Variants in INPP5E observed in about 807,000 individuals in gnomAD.
INPP5E encodes inositol polyphosphate-5-phosphatase E.
A neutral mutation model predicts 50.5 loss-of-function variants in INPP5E; 34 were observed. The observed-to-expected ratio is 0.67, with a 90% CI of 0.51 to 0.90. The LOEUF (loss-of-function observed/expected upper bound fraction) is 0.90, where lower values mean the gene tolerates loss of function less well. Among genes scored for constraint, INPP5E ranks in the 40% least tolerant of loss-of-function variants. The probability of loss-of-function intolerance (pLI) is 0.00; values close to 1 mark genes in which losing one functional copy is unlikely to be tolerated. For missense variants in INPP5E, 942 were observed against 905.5 expected, an observed-to-expected ratio of 1.04 and a Z score of -0.52; for synonymous variants, 447 against 406.0, an observed-to-expected ratio of 1.10 and a Z score of -1.21.
rs1234082483 is a variant in INPP5E, at chr9:136,439,259, G to C, written c.161C>G (p.Thr54Ser). The change falls in exon 1 of 10, where the codon ACT (threonine) becomes AGT (serine). Residue 54 changes from threonine to serine, a missense_variant. Physicochemically the swap from Thr to Ser is moderately conservative, Grantham distance 58 (BLOSUM62 1). Transcript: ENST00000371712. ...GTCCTCGCCGCTGGGCGTGGCCGGA[G>C]TGCTGCAGGCAAGCGCGGGGCTCTC... Reference protein sequence around the residue: ...GSESPALACSTPATPSGEDPP... With the variant: ...GSESPALACSSPATPSGEDPP... The C allele has an allele frequency of 6.7e-7, 1 of 1,501,844 alleles. No individual in the cohort carries two copies. Among genetic ancestry groups the C allele is most frequent in the Non-Finnish European group, 8.8e-7 (1 of 1,132,316 alleles). The allele number at this position is 1,501,844 out of a possible 1,614,324, so 93.0% of individuals were successfully genotyped here.
rs1835645162 is a variant in INPP5E, at chr9:136,429,325, T to C, written c.*350A>G. 1 of 409,652 alleles carries C rather than the reference T, an allele frequency of 2.4e-6. No individual in the cohort carries two copies. Among genetic ancestry groups the C allele is most frequent in the Non-Finnish European group, 4.6e-6 (1 of 216,158 alleles). The allele number at this position is 409,652 out of a possible 1,614,324, so 25.4% of individuals were successfully genotyped here. A position where few individuals can be genotyped will look rare whatever the true frequency, so the allele number is the denominator to read the frequency against. On this transcript the variant is annotated 3_prime_UTR_variant, in exon 10 of 10. Coordinates refer to ENST00000371712, the MANE Select transcript of INPP5E (RefSeq NM_019892.6). Reference sequence around the variant, plus strand: ...GCAGAGCACGGGGGTGTTGGGGGGCTCTGTGACTGCCCCCAGGGCACAGGA... The same window carrying C: ...GCAGAGCACGGGGGTGTTGGGGGGCCCTGTGACTGCCCCCAGGGCACAGGA...
At chr9:136,433,461 C>T (rs1835760915) in intron 3 of INPP5E, among the ~76,000 whole-genome samples, 182 bp from the exon 4 acceptor site, 1 of 152,198 alleles carries the variant, frequency 6.6e-6, no homozygotes, top group Non-Finnish European at 1.5e-5. Context: ...CTGCCGGGGG[C>T]CACAGGCCCC....
At chr9:136,435,034 C>A (rs1240668552) in intron 1 of INPP5E, among the ~76,000 whole-genome samples, 171 bp from the exon 2 acceptor site, 1 of 152,252 alleles carries the variant, frequency 6.6e-6, no homozygotes, top group African/African-American at 2.4e-5. Context: ...TCCAGGAACA[C>A]AAGGCCTGAC....
chr9:136,438,927 C>T lies in INPP5E; in HGVS notation c.493G>A (p.Ala165Thr), dbSNP rs1012957991. The T allele has an allele frequency of 7.6e-6, 12 of 1,571,212 alleles. No homozygotes were observed. Among genetic ancestry groups the T allele is most frequent in the Non-Finnish European group, 9.5e-6 (11 of 1,158,668 alleles). The change falls in exon 1 of 10, where the codon GCC (alanine) becomes ACC (threonine). Residue 165 changes from alanine to threonine, a missense_variant. Physicochemically the swap from Ala to Thr is moderately conservative, Grantham distance 58. Coordinates refer to ENST00000371712, the MANE Select transcript of INPP5E (RefSeq NM_019892.6). ...TGCGGGAGGTTCGGGGAGCTGCTGG[C>T]CACCCCAGAGAGAGGGTTACCCCCC... Reference protein sequence around the residue: ...SSGGNPLSGVASSSPNLPHRD... With the variant: ...SSGGNPLSGVTSSSPNLPHRD...
Position 136,438,804 on chromosome 9 carries a change from G to A in INPP5E, c.616C>T (p.Leu206=), listed in dbSNP as rs781276208. Residue 206 remains leucine, a synonymous_variant, in exon 1 of 10, where the codon CTG becomes TTG. Coordinates refer to ENST00000371712, the MANE Select transcript of INPP5E (RefSeq NM_019892.6). ...GAGTCGACCTTGTTTGCTGTCCTCA[G>A]GGAGTCGGAGGCGATGTCCAGGCTC... ...ALSLDIASDS[L]RTANKVDSDL... 2 of 1,612,086 alleles carry A rather than the reference G, an allele frequency of 1.2e-6. No homozygotes were observed. The highest frequency in any genetic ancestry group is 1.7e-6 in the Non-Finnish European group (2 of 1,179,658).
In INPP5E at chr9:136,434,741, T is replaced by C; in HGVS notation, c.935A>G (p.Lys312Arg). Residue 312 changes from lysine to arginine, a missense_variant and splice_region_variant, in exon 2 of 10, where the codon AAG becomes AGG. Physicochemically the swap from Lys to Arg is conservative, Grantham distance 26. Transcript: ENST00000371712. Reference sequence around the variant, plus strand: ...CCAGCACCACCCACAGCCACTCACCTTCTGGCCCTGCATGTTCCAGGTGGC... The same window carrying C: ...CCAGCACCACCCACAGCCACTCACCCTCTGGCCCTGCATGTTCCAGGTGGC... ...FVATWNMQGQKELPPSLDEFL... is the reference protein window; with the variant it reads ...FVATWNMQGQRELPPSLDEFL... 3 of 1,346,242 alleles carry C rather than the reference T, an allele frequency of 2.2e-6. No homozygotes were observed. Among genetic ancestry groups the C allele is most frequent in the Non-Finnish European group, 3.0e-6 (3 of 998,846 alleles). 83.4% of individuals were successfully genotyped at this position (1,346,242 alleles called of 1,614,324 possible).
rs1232108345 is a variant in INPP5E at position 136,438,914 on chromosome 9, G to A, written c.506C>T (p.Pro169Leu). ...GGCGGCGTCTCTGTGCGGGAGGTTC[G>A]GGGAGCTGCTGGCCACCCCAGAGAG... ...NPLSGVASSS[P>L]NLPHRDAAVA... The change falls in exon 1 of 10, where the codon CCG (proline) becomes CTG (leucine). Residue 169 changes from proline to leucine, a missense_variant. Pro to Leu is a moderately conservative substitution (Grantham distance 98). Transcript: ENST00000371712. 3.2e-6 allele frequency: 5 copies of A among 1,575,480 alleles called. No individual in the cohort carries two copies. Among genetic ancestry groups the A allele is most frequent in the Non-Finnish European group, 4.3e-6 (5 of 1,161,148 alleles).
chr9:136,432,849 G>C lies in INPP5E; in HGVS notation c.1279+107C>G. 2.1e-6 allele frequency: 3 copies of C among 1,429,042 alleles called. No homozygotes were observed. In the Admixed American group the frequency reaches 5.8e-5, roughly 28 times the overall value. The allele number at this position is 1,429,042 out of a possible 1,614,324, so 88.5% of individuals were successfully genotyped here. Reference sequence around the variant, plus strand: ...CGTGGTGCCCACCCCACGGCCCTGGGTGGAAGATGAAGCCAGCGGTCAGGA... The same window carrying C: ...CGTGGTGCCCACCCCACGGCCCTGGCTGGAAGATGAAGCCAGCGGTCAGGA... On this transcript the variant is annotated intron_variant, in intron 5 of 9. Coordinates refer to ENST00000371712, the MANE Select transcript of INPP5E (RefSeq NM_019892.6).
At chr9:136,430,541 G>T in intron 8 of INPP5E, 128 bp from the exon 9 acceptor site, 1 of 1,168,428 alleles carries the variant, frequency 8.6e-7, no homozygotes, top group Non-Finnish European at 1.2e-6. Flanking sequence ...TGACACTCAT[G>T]CCCATTTTGT....
chr9:136,430,243 GC>G (rs1564431085), intron 9 of INPP5E, 33 bp downstream of exon 9: 1 of 1,550,660 alleles, frequency 6.4e-7, no homozygotes, highest in South Asian at 1.2e-5. Flanking sequence ...CGACCCCCAG[GC>G]CCAAGGGGGA....
At chr9:136,430,019 C>A (rs1286386078) in intron 9 of INPP5E, among the ~76,000 whole-genome samples, 1 of 152,184 alleles carries the variant, frequency 6.6e-6, no homozygotes, top group African/African-American at 2.4e-5. Flanking sequence ...GGGCGGATGC[C>A]TGAGTGCTTA....
In INPP5E at chr9:136,429,782, C is replaced by G; in HGVS notation, c.1828G>C (p.Asp610His). The change falls in exon 10 of 10, where the codon GAT becomes CAT. Residue 610 changes from aspartate to histidine, a missense_variant. Transcript: ENST00000371712. ...DNIPLAAGKF[D>H]RELYLLGIKR... ...ATTCCTAGTAAGTACAGTTCTCTATCAAATTTGCCAGCTGCCAACGGAATG... is the reference window on the plus strand; with the variant it reads ...ATTCCTAGTAAGTACAGTTCTCTATGAAATTTGCCAGCTGCCAACGGAATG... The G allele has an allele frequency of 6.2e-7, 1 of 1,613,092 alleles. No homozygotes were observed. Among genetic ancestry groups the G allele is most frequent in the Non-Finnish European group, 8.5e-7 (1 of 1,179,910 alleles).
intron 1 of INPP5E, 151 bp from the exon 2 acceptor site, chr9:136,435,014 C>T: frequency 1.0e-6 from 1 of 952,596 alleles, no homozygotes; most frequent in Non-Finnish European, 1.6e-6. Context: ...CGCGGCACTG[C>T]TGTCTGCTCT....
chr9:136,437,015 T>C (rs1474577833), intron 1 of INPP5E: 1 of 152,278 alleles, frequency 6.6e-6, no homozygotes, highest in Non-Finnish European at 1.5e-5. Context: ...TTTTAAAATG[T>C]GATGCTTTAG....
intron 2 of INPP5E, among the ~76,000 whole-genome samples, chr9:136,434,386 G>T (rs372183391): frequency 6.6e-6 from 1 of 152,120 alleles, no homozygotes; most frequent in African/African-American, 2.4e-5. Context: ...TGACCCTCCC[G>T]TCACCATGAC....
intron 9 of INPP5E, 29 bp downstream of exon 9, chr9:136,430,248 A>C (rs187296291): frequency 6.4e-7 from 1 of 1,550,726 alleles, no homozygotes. Context: ...CCCAGGCCCA[A>C]GGGGGAAGGT....
intron 6 of INPP5E, 114 bp downstream of exon 6, chr9:136,432,365 G>C: frequency 1.3e-6 from 1 of 753,014 alleles, no homozygotes; most frequent in East Asian, 2.7e-5. Flanking sequence ...TGGACGTTTC[G>C]GCCCTCGCTT....
chr9:136,434,953 A>C, intron 1 of INPP5E, 90 bp from the exon 2 acceptor site: 16 of 1,454,978 alleles, frequency 1.1e-5, no homozygotes, highest in Non-Finnish European at 1.4e-5. Context: ...AGCAAAACCC[A>C]TGGAATGTCA....
At chr9:136,438,433 G>T in intron 1 of INPP5E, 175 bp downstream of exon 1, 1 of 653,096 alleles carries the variant, frequency 1.5e-6, no homozygotes, top group Non-Finnish European at 2.7e-6. Flanking sequence ...AAAGTTCTGG[G>T]AAGGGCGCTG....
Sources: gnomAD v4.1 joint callset for allele counts (sites outside exome capture counted in the v4.1 genomes callset) on GRCh38, gnomAD v4.1.1 for gene constraint, MANE v1.5 for transcripts, NCBI Gene and HGNC (gene_info 2026-07-23, HGNC 2026-07-21) for gene names.